ZNHIT3: variants seen among roughly 807,000 people sequenced by gnomAD.
The protein encoded by ZNHIT3 is zinc finger HIT domain-containing protein 3.
In ZNHIT3, 27 loss-of-function variants were observed where a neutral mutation model predicts 19.9. The ratio of observed to expected loss-of-function variants is 1.36; its 90% CI spans 1.00 to 1.87. The LOEUF is 1.87. Ranked by LOEUF, ZNHIT3 falls within the 40% of genes most tolerant of loss-of-function variation. ZNHIT3 has a pLI of 0.00. For synonymous variants in ZNHIT3, 81 were observed against 65.7 expected, an observed-to-expected ratio of 1.23 and a Z score of -1.13; for missense variants, 215 against 185.6, an observed-to-expected ratio of 1.16 and a Z score of -0.92.
At chr17:36,489,408 A>G (rs1299808406) in intron 2 of ZNHIT3, 2 of 152,146 alleles carry the variant, frequency 1.3e-5, no homozygotes, top group South Asian at 2.1e-4. Context: ...TACATTCCCA[A>G]TAACAGTGCA....
At chr17:36,495,921 C>T (rs1444030790), downstream of ZNHIT3, 3 of 1,144,346 alleles carry the variant, frequency 2.6e-6, no homozygotes, top group African/African-American at 3.2e-5. Context: ...TCCAAAAGTG[C>T]TTATGTGGAA....
chr17:36,493,882 C>A, intron 3 of ZNHIT3, 44 bp from the exon 4 acceptor site: 1 of 1,407,826 alleles, frequency 7.1e-7, no homozygotes, highest in Non-Finnish European at 1.0e-6. Context: ...GGTGCCCAGG[C>A]CTCCTTTTTA....
chr17:36,495,313 T>C lies in ZNHIT3; in HGVS notation c.377T>C (p.Leu126Pro). The C allele has an allele frequency of 6.2e-7, 1 of 1,613,892 alleles. No individual in the cohort carries two copies. The highest frequency in any genetic ancestry group is 1.1e-5 in the South Asian group (1 of 91,010). The change falls in exon 5 of 5, where the codon CTC becomes CCC. Residue 126 changes from leucine to proline, a missense_variant. Physicochemically the swap from Leu to Pro is moderately conservative, Grantham distance 98 (BLOSUM62 -3). Coordinates refer to ENST00000617429, the MANE Select transcript of ZNHIT3 (RefSeq NM_004773.4). ...NLDQGEDKAK[L>P]MRAYMQEPLF... ...GATCAGGGAGAAGACAAAGCAAAGCTCATGAGAGCTTACATGCAAGAGCCT... is the reference window on the plus strand; with the variant it reads ...GATCAGGGAGAAGACAAAGCAAAGCCCATGAGAGCTTACATGCAAGAGCCT...
In ZNHIT3 at chr17:36,495,696, A is replaced by G; in HGVS notation, c.*292A>G. 1 of 1,261,538 alleles carries G rather than the reference A, an allele frequency of 7.9e-7. No individual in the cohort carries two copies. Among genetic ancestry groups the G allele is most frequent in the Non-Finnish European group, 9.9e-7 (1 of 1,005,520 alleles). The allele number at this position is 1,261,538 out of a possible 1,614,324, so 78.1% of individuals were successfully genotyped here. A position where few individuals can be genotyped will look rare whatever the true frequency, so the allele number is the denominator to read the frequency against. The stretch of plus-strand genomic sequence containing the variant: ...AGACATCATAAACGATATCAAGCTT[A>G]CACTTCATATGGAGTTAAACTTGGT... On this transcript the variant is annotated 3_prime_UTR_variant, in exon 5 of 5. Coordinates refer to ENST00000617429, the MANE Select transcript of ZNHIT3 (RefSeq NM_004773.4).
At chr17:36,499,064 G>A (rs750801854), downstream of ZNHIT3, 1 of 1,599,172 alleles carries the variant, frequency 6.3e-7, no homozygotes, top group Non-Finnish European at 8.5e-7. Context: ...GACTTCTTGG[G>A]TCTTACTTAC....
chr17:36,490,458 C>T (rs2070701159), intron 2 of ZNHIT3: 1 of 152,142 alleles, frequency 6.6e-6, no homozygotes, highest in African/African-American at 2.4e-5. Context: ...TATTTTTATG[C>T]TAGTACCATG....
chr17:36,497,488 A>T, downstream of ZNHIT3: 1 of 972,404 alleles, frequency 1.0e-6, no homozygotes, highest in Non-Finnish European at 1.2e-6. Flanking sequence ...TGTGGGACTA[A>T]TTAGATTATT....
chr17:36,489,941 T>C (rs2142523559), intron 2 of ZNHIT3: 1 of 150,968 alleles, frequency 6.6e-6, no homozygotes, highest in South Asian at 2.1e-4. Context: ...TTAATTTTTT[T>C]TTTTTTTTTT....
intron 2 of ZNHIT3, chr17:36,489,772 G>A (rs1000811517): frequency 2.0e-5 from 3 of 151,892 alleles, no homozygotes; most frequent in African/African-American, 7.3e-5. Context: ...GGGATTACAG[G>A]TGCCTGCTGG....
At chr17:36,496,520 TGGG>T, downstream of ZNHIT3, 2 of 941,658 alleles carry the variant, frequency 2.1e-6, no homozygotes, top group East Asian at 5.2e-5. Flanking sequence ...GTACTAGTAT[TGGG>T]GGCCACAGCA....
At chr17:36,488,875 A>G (rs1260198795) in intron 2 of ZNHIT3, among the ~76,000 whole-genome samples, 2 of 152,238 alleles carry the variant, frequency 1.3e-5, no homozygotes, top group African/African-American at 2.4e-5. Flanking sequence ...ATTGCTGCCA[A>G]CATGGTCACA....
At chr17:36,489,344 C>A (rs772383519) in intron 2 of ZNHIT3, 2 of 152,046 alleles carry the variant, frequency 1.3e-5, no homozygotes, top group Non-Finnish European at 1.5e-5. Flanking sequence ...TAGTTCTATT[C>A]GTAGTTTTTT....
chr17:36,488,834 A>T (rs1314715103), intron 2 of ZNHIT3, among the ~76,000 whole-genome samples: 1 of 152,224 alleles, frequency 6.6e-6, no homozygotes, highest in African/African-American at 2.4e-5. Flanking sequence ...GAACACTCGC[A>T]ATCCTCTCTT....
chr17:36,493,773 C>T (rs532037858), intron 3 of ZNHIT3, among the ~76,000 whole-genome samples, 153 bp from the exon 4 acceptor site: 13 of 152,316 alleles, frequency 8.5e-5, no homozygotes, highest in African/African-American at 2.4e-4. Context: ...TCACAGACTC[C>T]GGAGAAGAGG....
At position 36,492,850 on chromosome 17, in the gene ZNHIT3, A is replaced by G; in HGVS notation, c.156A>G (p.Lys52=). Reference sequence around the variant, plus strand: ...CTGAAACTCGTCCTGTTGAGAAAAAAATAAGATCAGCTCTTCCTACCAAAA... The same window carrying G: ...CTGAAACTCGTCCTGTTGAGAAAAAGATAAGATCAGCTCTTCCTACCAAAA... The part of the protein sequence containing the change: ...CNPETRPVEK[K]IRSALPTKTV... Residue 52 remains lysine (K), a synonymous_variant, in exon 3 of 5, where the codon AAA becomes AAG. Transcript: ENST00000617429. 6.2e-7 allele frequency: 1 copy of G among 1,614,228 alleles called. No individual in the cohort carries two copies. The highest frequency in any genetic ancestry group is 1.1e-5 in the South Asian group (1 of 91,086).
At chr17:36,495,826 T>C (rs1367708797), downstream of ZNHIT3, 13 of 1,242,060 alleles carry the variant, frequency 1.0e-5, no homozygotes, top group East Asian at 3.7e-4. Context: ...TACTAAAGTT[T>C]TGTTCCTTTT....
At chr17:36,496,285 T>C, downstream of ZNHIT3, 2 of 1,614,040 alleles carry the variant, frequency 1.2e-6, no homozygotes, top group South Asian at 2.2e-5. Context: ...AGAGGTCACG[T>C]GGATCAGCCT....
Position 36,495,399 on chromosome 17 carries a change from T to A in ZNHIT3, c.463T>A (p.Ser155Thr), listed in dbSNP as rs749157723. 2 of 1,599,596 alleles carry A rather than the reference T, an allele frequency of 1.3e-6. No individual in the cohort carries two copies. Residue 155 changes from serine to threonine, a missense_variant, in exon 5 of 5, where the codon TCT becomes ACT. By Grantham distance (58) the Ser-to-Thr change is moderately conservative (BLOSUM62 1). Transcript: ENST00000617429. ...GIVEPSQNEE[S>T] ...TGTGGAGCCATCCCAGAATGAGGAGTCTTAAGATGGATTATTGTGCTGCTT... is the reference window on the plus strand; with the variant it reads ...TGTGGAGCCATCCCAGAATGAGGAGACTTAAGATGGATTATTGTGCTGCTT...
chr17:36,496,414 G>GGAGA (rs745758814), downstream of ZNHIT3: 1 of 1,613,614 alleles, frequency 6.2e-7, no homozygotes, highest in African/African-American at 1.3e-5. Context: ...TCCCTAGAGG[G>GGAGA]GAGAGAGAGA....
Sources: allele counts gnomAD v4.1 joint callset (sites outside exome capture counted in the v4.1 genomes callset), GRCh38; gene constraint gnomAD v4.1.1; transcripts MANE v1.5; gene names NCBI Gene and HGNC (gene_info 2026-07-23, HGNC 2026-07-21).